Variants in MX1 observed in about 807,000 individuals in gnomAD.
The protein encoded by MX1 is interferon-induced GTP-binding protein Mx1.
Under a neutral mutation model 66.4 loss-of-function variants are expected in MX1, and 66 were observed. That is an observed-to-expected ratio of 0.99 (90% confidence interval 0.82 to 1.22). The LOEUF (loss-of-function observed/expected upper bound fraction) is 1.22, where lower values mean the gene tolerates loss of function less well. Among genes scored for constraint, MX1 ranks in the 50% most tolerant of loss-of-function variants. The pLI, the probability that MX1 is intolerant of heterozygous loss-of-function variation, is 0.00. For synonymous variants in MX1, 311 were observed against 318.1 expected (o/e 0.98, Z 0.24); for missense variants, 787 against 834.3 (o/e 0.94, Z 0.70).
At chr21:41,451,748 T>A (rs1273046785) in intron 15 of MX1, among the ~76,000 whole-genome samples, 2 of 150,588 alleles carry the variant, frequency 1.3e-5, no homozygotes, top group African/African-American at 4.9e-5. Flanking sequence ...CACTTTAGAA[T>A]TGATTGAGCC....
intron 4 of MX1, among the ~76,000 whole-genome samples, chr21:41,431,100 G>A (rs529188373): frequency 6.6e-6 from 1 of 152,316 alleles, no homozygotes; most frequent in Non-Finnish European, 1.5e-5. Context: ...TCGGCTCACT[G>A]CAACCTTCAC....
In MX1 at chr21:41,458,752, C is replaced by T. The variant is rs1373286869; in HGVS notation, c.1983C>T (p.Pro661=). 19 of 1,611,370 alleles carry T rather than the reference C, an allele frequency of 1.2e-5. No homozygotes were observed. Among genetic ancestry groups the T allele is most frequent in the Non-Finnish European group, 1.4e-5 (16 of 1,179,808 alleles). The change falls in exon 17 of 17, where the codon CCC becomes CCT. Residue 661 remains proline (P), a synonymous_variant. Coordinates refer to ENST00000398598, the MANE Select transcript of MX1 (RefSeq NM_002462.5). The stretch of plus-strand genomic sequence containing the variant: ...CTCGGCGCCGGCTTGCCCAGTTCCC[C>T]GGTTAACCACACTCTGTCCAGCCCC... The part of the protein sequence containing the change: ...TQARRRLAQF[P]G
At chr21:41,451,612 T>A (rs1369864287) in intron 15 of MX1, among the ~76,000 whole-genome samples, 1 of 152,098 alleles carries the variant, frequency 6.6e-6, no homozygotes, top group Non-Finnish European at 1.5e-5. Context: ...GGCCGGTAGA[T>A]GACTTAAAGC....
intron 12 of MX1, 50 bp downstream of exon 12, chr21:41,445,620 A>T: frequency 6.2e-7 from 1 of 1,611,078 alleles, no homozygotes; most frequent in East Asian, 2.2e-5. Flanking sequence ...TCATGGTCAA[A>T]AAAGGGACCC....
intron 13 of MX1, among the ~76,000 whole-genome samples, chr21:41,447,627 A>G (rs559645369): frequency 6.6e-6 from 1 of 152,278 alleles, no homozygotes; most frequent in African/African-American, 2.4e-5. Flanking sequence ...GGGGAGGGAA[A>G]AGTGGGAAGT....
At chr21:41,435,740 C>A in intron 5 of MX1, 97 bp from the exon 6 acceptor site, 1 of 1,346,158 alleles carries the variant, frequency 7.4e-7, no homozygotes, top group South Asian at 1.3e-5. Flanking sequence ...ATGGGGATTA[C>A]AATTCGAGAT....
rs1000629909 is a variant in MX1 at position 41,458,832 on chromosome 21, G to A, written c.*74G>A. On this transcript the variant is annotated 3_prime_UTR_variant, in exon 17 of 17. Coordinates refer to ENST00000398598, the MANE Select transcript of MX1 (RefSeq NM_002462.5). Reference sequence around the variant, plus strand: ...GTTCCCGGGTAGCCACTGGACTGACGACTTGAGTGCTCAGTAGTCAGACTG... The same window carrying A: ...GTTCCCGGGTAGCCACTGGACTGACAACTTGAGTGCTCAGTAGTCAGACTG... 3.7e-5 allele frequency: 57 copies of A among 1,538,906 alleles called. No individual in the cohort carries two copies. The highest frequency in any genetic ancestry group is 3.4e-4 in the African/African-American group (25 of 73,752).
chr21:41,435,054 G>A (rs1340346393), intron 5 of MX1, among the ~76,000 whole-genome samples: 1 of 152,184 alleles, frequency 6.6e-6, no homozygotes, highest in Non-Finnish European at 1.5e-5. Flanking sequence ...ATTCTAGATT[G>A]ATGGTGTTTT....
chr21:41,423,137 C>G (rs535744687), upstream of MX1: 1 of 153,906 alleles, frequency 6.5e-6, no homozygotes, highest in South Asian at 2.0e-4. Context: ...CAATGGCGAG[C>G]CTTTAGCCCG....
chr21:41,453,772 A>G (rs2090892283), intron 16 of MX1, among the ~76,000 whole-genome samples: 1 of 152,184 alleles, frequency 6.6e-6, no homozygotes, highest in African/African-American at 2.4e-5. Flanking sequence ...TGCCCTCCCT[A>G]AAGAGGCAGG....
chr21:41,457,563 T>C (rs775819260), intron 16 of MX1, among the ~76,000 whole-genome samples: 3 of 152,200 alleles, frequency 2.0e-5, no homozygotes, highest in Non-Finnish European at 2.9e-5. Context: ...CCACTGGTAC[T>C]CCACACGCCC....
Position 41,439,681 on chromosome 21 carries a change from G to A in MX1, c.437-13G>A, listed in dbSNP as rs1453088388. The A allele has an allele frequency of 2.5e-6, 4 of 1,612,156 alleles. No homozygotes were observed. Among genetic ancestry groups the A allele is most frequent in the Admixed American group, 1.7e-5 (1 of 59,952 alleles). On this transcript the variant is annotated splice_polypyrimidine_tract_variant and intron_variant, in intron 7 of 16. Transcript: ENST00000398598. ...GCTCTGTTTGGGTTTGATTTTCCCT[G>A]TCTCTTTTCTAGCCCAGAATGCCAT... is the stretch of plus-strand genomic sequence containing the variant.
chr21:41,423,788 T>C (rs1336419758), upstream of MX1, among the ~76,000 whole-genome samples: 1 of 152,170 alleles, frequency 6.6e-6, no homozygotes, highest in Non-Finnish European at 1.5e-5. Flanking sequence ...TTAGAGGCAA[T>C]GAAGCACCAA....
At position 41,445,523 on chromosome 21, in the gene MX1, G is replaced by A. The variant is rs1164590069; in HGVS notation, c.1084G>A (p.Val362Ile). 1 of 1,614,212 alleles carries A rather than the reference G, an allele frequency of 6.2e-7. No homozygotes were observed. Among genetic ancestry groups the A allele is most frequent in the East Asian group, 2.2e-5 (1 of 44,894 alleles). The change falls in exon 12 of 17, where the codon GTC (valine) becomes ATC (isoleucine). Residue 362 changes from valine (V) to isoleucine (I), a missense_variant. Coordinates refer to ENST00000398598, the MANE Select transcript of MX1 (RefSeq NM_002462.5). ...RITEELQKYG[V>I]DIPEDENEKM... ...AACAGAGGAGCTACAAAAGTATGGTGTCGACATACCGGAAGACGAAAATGA... is the reference window on the plus strand; with the variant it reads ...AACAGAGGAGCTACAAAAGTATGGTATCGACATACCGGAAGACGAAAATGA...
intron 5 of MX1, among the ~76,000 whole-genome samples, chr21:41,434,925 ACTT>A (rs2090318964): frequency 6.6e-6 from 1 of 152,222 alleles, no homozygotes; most frequent in African/African-American, 2.4e-5. Context: ...TACCTAAAGA[ACTT>A]CTTTAACATT....
chr21:41,441,171 G>A lies in MX1; in HGVS notation c.730+146G>A. ...GAATGGGGGAGCCCGCCTGTGCTCG[G>A]TGGTCTGCCAGTGGGCAAGCGTCCC... On this transcript the variant is annotated intron_variant, in intron 9 of 16. Coordinates refer to ENST00000398598, the MANE Select transcript of MX1 (RefSeq NM_002462.5). This position sits in a 1 kb window ranked among gnomAD's most constrained non-coding sequence, Gnocchi z 4.0. The A allele has an allele frequency of 8.2e-7, 1 of 1,224,770 alleles. No individual in the cohort carries two copies. The highest frequency in any genetic ancestry group is 1.1e-6 in the Non-Finnish European group (1 of 903,364). The allele number at this position is 1,224,770 out of a possible 1,614,324, so 75.9% of individuals were successfully genotyped here. A position where few individuals can be genotyped will look rare whatever the true frequency, so the allele number is the denominator to read the frequency against.
At chr21:41,454,242 A>G (rs1313309791) in intron 16 of MX1, among the ~76,000 whole-genome samples, 1 of 152,194 alleles carries the variant, frequency 6.6e-6, no homozygotes, top group East Asian at 1.9e-4. Context: ...GCTATACCAG[A>G]GTCGGGTTGG....
chr21:41,436,401 A>G (rs1034032369), intron 6 of MX1, among the ~76,000 whole-genome samples: 1 of 152,258 alleles, frequency 6.6e-6, no homozygotes, highest in African/African-American at 2.4e-5. Context: ...TTTGGAGGGA[A>G]CACCATTTCA....
At chr21:41,434,285 GA>G (rs1771716488) in intron 5 of MX1, among the ~76,000 whole-genome samples, 1 of 152,208 alleles carries the variant, frequency 6.6e-6, no homozygotes, top group Non-Finnish European at 1.5e-5. Flanking sequence ...GACCGAGTGT[GA>G]AGTCTGCTGC....
Sources: allele counts gnomAD v4.1 joint callset (sites outside exome capture counted in the v4.1 genomes callset), GRCh38; gene constraint gnomAD v4.1.1; non-coding constraint Gnocchi (gnomAD v3.1); transcripts MANE v1.5; gene names NCBI Gene and HGNC (gene_info 2026-07-23, HGNC 2026-07-21).